Variants in ITGA4 observed in about 807,000 individuals in gnomAD.
ITGA4 encodes the protein integrin alpha-4.
ITGA4 carries 63 observed loss-of-function variants against 133.6 expected under a neutral mutation model. The observed-to-expected ratio is 0.47, with a 90% CI of 0.38 to 0.58. ITGA4 has a LOEUF of 0.58. Among genes scored for constraint, ITGA4 ranks in the 20% least tolerant of loss-of-function variants. The pLI is 0.00. For synonymous variants in ITGA4, 483 were observed against 438.0 expected (o/e 1.10, Z -1.28); for missense variants, 1,076 against 1,252.7 (o/e 0.86, Z 2.13).
chr2:181,457,532 C>G lies in ITGA4; in HGVS notation c.-123C>G, dbSNP rs202215754. The G allele has an allele frequency of 3.3e-6, 3 of 919,468 alleles. No individual in the cohort carries two copies. Among genetic ancestry groups the G allele is most frequent in the African/African-American group, 1.7e-5 (1 of 58,784 alleles). 57.0% of individuals were successfully genotyped at this position (919,468 alleles called of 1,614,324 possible). On this transcript the variant is annotated 5_prime_UTR_variant, in exon 1 of 28. Coordinates refer to ENST00000397033, the MANE Select transcript of ITGA4 (RefSeq NM_000885.6). Reference sequence around the variant, plus strand: ...TCTTCCCTCTCTCCTTCCTTTAGCCCGCTGGCGCCGGACACGCTGCGCCTC... The same window carrying G: ...TCTTCCCTCTCTCCTTCCTTTAGCCGGCTGGCGCCGGACACGCTGCGCCTC...
Position 181,531,686 on chromosome 2 carries a change from A to T in ITGA4, c.2694A>T (p.Leu898Phe), listed in dbSNP as rs1245821489. 6.2e-7 allele frequency: 1 copy of T among 1,602,864 alleles called. No homozygotes were observed. The highest frequency in any genetic ancestry group is 1.7e-5 in the Admixed American group (1 of 59,534). Reference protein sequence around the residue: ...LYCIKADPHCLNFLCNFGKME... With the variant: ...LYCIKADPHCFNFLCNFGKME... Reference sequence around the variant, plus strand: ...GCATAAAAGCTGATCCACATTGTTTAAATTTCTTGTGTAATTTTGGGAAAA... The same window carrying T: ...GCATAAAAGCTGATCCACATTGTTTTAATTTCTTGTGTAATTTTGGGAAAA... Residue 898 changes from leucine to phenylalanine, a missense_variant, in exon 25 of 28, where the codon TTA (leucine) becomes TTT (phenylalanine). By Grantham distance (22) the Leu-to-Phe change is conservative. Transcript: ENST00000397033.
intron 17 of ITGA4, among the ~76,000 whole-genome samples, chr2:181,518,180 C>A (rs1686649141): frequency 6.6e-6 from 1 of 152,024 alleles, no homozygotes; most frequent in African/African-American, 2.4e-5. Context: ...TAAATCACAG[C>A]CATTCCCTAA....
At chr2:181,529,824 A>G (rs1439202753) in intron 23 of ITGA4, among the ~76,000 whole-genome samples, 176 bp downstream of exon 23, 2 of 152,206 alleles carry the variant, frequency 1.3e-5, no homozygotes, top group South Asian at 4.1e-4. Flanking sequence ...TGAATATTAT[A>G]CATTTCTTTA....
At chr2:181,461,339 C>T (rs1180023055) in intron 2 of ITGA4, among the ~76,000 whole-genome samples, 6 of 151,130 alleles carry the variant, frequency 4.0e-5, no homozygotes. Context: ...TATTGTTGGC[C>T]TCCTTTTACC....
In ITGA4 at chr2:181,536,774, T is replaced by TGTA; in HGVS notation, c.*1247_*1248insGTA. ...AAAAAATTTCTTTAAATACAATCATTTTTGTAATATTTATTTTATGCTTAT... is the reference window on the plus strand; with the variant it reads ...AAAAAATTTCTTTAAATACAATCATTGTATTTGTAATATTTATTTTATGCTTAT... On this transcript the variant is annotated 3_prime_UTR_variant, in exon 28 of 28. Transcript: ENST00000397033. 4.0e-6 allele frequency: 1 copy of TGTA among 248,698 alleles called. No homozygotes were observed. The highest frequency in any genetic ancestry group is 8.1e-6 in the Non-Finnish European group (1 of 123,638). 15.4% of individuals were successfully genotyped at this position (248,698 alleles called of 1,614,324 possible).
At chr2:181,460,593 G>GTGTGTGTT (rs1559034721) in intron 2 of ITGA4, among the ~76,000 whole-genome samples, 15 of 151,776 alleles carry the variant, frequency 9.9e-5, no homozygotes, top group African/African-American at 3.6e-4. Context: ...GTGTGTGTGT[G>GTGTGTGTT]TGTGTGTGTG....
intron 25 of ITGA4, 46 bp downstream of exon 25, chr2:181,531,822 A>C: frequency 7.0e-7 from 1 of 1,430,920 alleles, no homozygotes; most frequent in Non-Finnish European, 9.5e-7. Context: ...AAGTTTACAT[A>C]AAATCTATAA....
intron 4 of ITGA4, 99 bp downstream of exon 4, chr2:181,475,387 G>A (rs1441323830): frequency 3.2e-6 from 3 of 930,042 alleles, no homozygotes; most frequent in Non-Finnish European, 5.0e-6. Flanking sequence ...AGAGGAGAGG[G>A]AGATCTTCTA....
chr2:181,527,547 C>G, intron 22 of ITGA4, 160 bp downstream of exon 22: 1 of 547,262 alleles, frequency 1.8e-6, no homozygotes, highest in Non-Finnish European at 3.3e-6. Flanking sequence ...CTCTCAGACC[C>G]CTGCTGCTTT....
At chr2:181,481,753 G>T in intron 7 of ITGA4, 70 bp downstream of exon 7, 1 of 620,482 alleles carries the variant, frequency 1.6e-6, no homozygotes, top group South Asian at 2.4e-5. Context: ...AGATATTAAA[G>T]GAGAAACTGT....
In ITGA4 at chr2:181,457,781, C is replaced by A. The variant is rs1685162142; in HGVS notation, c.127C>A (p.Leu43Ile). 1 of 1,613,758 alleles carries A rather than the reference C, an allele frequency of 6.2e-7. No homozygotes were observed. The highest frequency in any genetic ancestry group is 8.5e-7 in the Non-Finnish European group (1 of 1,179,980). ...CAACGTGGACACTGAGAGCGCGCTG[C>A]TTTACCAGGGCCCCCACAACACGCT... ...PYNVDTESAL[L>I]YQGPHNTLFG... Residue 43 changes from leucine (L) to isoleucine (I), a missense_variant, in exon 1 of 28, where the codon CTT becomes ATT. Around this residue, in one of 4 missense-constraint regions of ITGA4, gnomAD observed 82 missense variants for 68.3 expected, o/e 1.20. Coordinates refer to ENST00000397033, the MANE Select transcript of ITGA4 (RefSeq NM_000885.6).
At chr2:181,519,017 T>C (rs149128921) in intron 17 of ITGA4, among the ~76,000 whole-genome samples, 66 of 152,116 alleles carry the variant, frequency 4.3e-4, no homozygotes, top group African/African-American at 1.5e-3. Context: ...ATTACGTGTG[T>C]ATGTTGACCA....
intron 17 of ITGA4, among the ~76,000 whole-genome samples, chr2:181,518,220 C>G (rs1339109490): frequency 6.6e-6 from 1 of 152,096 alleles, no homozygotes; most frequent in Non-Finnish European, 1.5e-5. Flanking sequence ...GTCACTCAGA[C>G]TCCTCCACCC....
intron 15 of ITGA4, among the ~76,000 whole-genome samples, chr2:181,507,023 G>T (rs1686407995): frequency 6.6e-6 from 1 of 152,036 alleles, no homozygotes; most frequent in Admixed American, 6.6e-5. Context: ...GGAATTTGTT[G>T]AATCTATTTT....
chr2:181,534,919 CAT>C lies in ITGA4; in HGVS notation c.2990_2991del (p.Tyr997CysfsTer9), dbSNP rs777758726. ...GGACTTATTGTACTTCTATTGATCTCATATGTTATGTGGAAGGTAAGCATTTA... is the reference window on the plus strand; with the variant it reads ...GGACTTATTGTACTTCTATTGATCTCATGTTATGTGGAAGGTAAGCATTTA... On this transcript the variant is annotated frameshift_variant, in exon 27 of 28. Transcript: ENST00000397033. LOFTEE classifies it high-confidence loss of function. 1.3e-6 allele frequency: 2 copies of C among 1,577,562 alleles called. No homozygotes were observed. The highest frequency in any genetic ancestry group is 2.8e-5 in the African/African-American group (2 of 72,280).
intron 25 of ITGA4, 45 bp downstream of exon 25, chr2:181,531,821 T>C: frequency 7.0e-7 from 1 of 1,424,422 alleles, no homozygotes; most frequent in Non-Finnish European, 9.5e-7. Context: ...TAAGTTTACA[T>C]AAAATCTATA....
At chr2:181,478,135 A>G (rs1488405332) in intron 4 of ITGA4, among the ~76,000 whole-genome samples, 6 of 152,114 alleles carry the variant, frequency 3.9e-5, no homozygotes, top group South Asian at 2.1e-4. Flanking sequence ...AAAGACAAAT[A>G]CTGTATGATC....
At chr2:181,481,173 GA>G (rs1268720005) in intron 6 of ITGA4, among the ~76,000 whole-genome samples, 4 of 152,050 alleles carry the variant, frequency 2.6e-5, no homozygotes, top group Non-Finnish European at 4.4e-5. Context: ...CATAAAATAC[GA>G]ACAATTTTTT....
intron 2 of ITGA4, among the ~76,000 whole-genome samples, chr2:181,459,977 ATTGT>A (rs79128626): frequency 0.032 from 4,940 of 152,288 alleles, 147 homozygotes; most frequent in African/African-American, 0.071. Context: ...GAAGGAAAAA[ATTGT>A]TTGGGCATGT....
Sources: gnomAD v4.1 joint callset for allele counts (sites outside exome capture counted in the v4.1 genomes callset) on GRCh38, gnomAD v4.1.1 for gene constraint, gnomAD v4.1.1 regional missense constraint, MANE v1.5 for transcripts, NCBI Gene and HGNC (gene_info 2026-07-23, HGNC 2026-07-21) for gene names.